Variants in SSRP1 observed in about 807,000 individuals in gnomAD.
SSRP1 encodes FACT complex subunit SSRP1.
A neutral mutation model predicts 84.4 loss-of-function variants in SSRP1; 21 were observed. The observed-to-expected ratio is 0.25, with a 90% CI of 0.18 to 0.36. SSRP1 has a LOEUF of 0.36. Ranked by LOEUF, SSRP1 falls within the 10% of genes least tolerant of loss-of-function variation. The pLI, the probability that SSRP1 is intolerant of heterozygous loss-of-function variation, is 1.00. For missense variants in SSRP1, 519 were observed against 900.8 expected (o/e 0.58, Z 5.43); for synonymous variants, 319 against 318.3 (o/e 1.00, Z -0.02).
chr11:57,326,521 G>A (rs1187695447), intron 16 of SSRP1, 43 bp from the exon 17 acceptor site: 1 of 1,612,634 alleles, frequency 6.2e-7, no homozygotes, highest in African/African-American at 1.3e-5. Context: ...GGAGTCCTGG[G>A]TGCCCCACCC....
In SSRP1 at chr11:57,332,612, G is replaced by A. The variant is rs777104346; in HGVS notation, c.768+13C>T. 6.2e-7 allele frequency: 1 copy of A among 1,609,028 alleles called. No homozygotes were observed. The highest frequency in any genetic ancestry group is 1.1e-5 in the South Asian group (1 of 90,956). On this transcript the variant is annotated intron_variant, in intron 6 of 16. Transcript: ENST00000278412. This position sits in a 1 kb window ranked among gnomAD's most constrained non-coding sequence, Gnocchi z 5.5. ...AAAACCAGGATTATCCGGCCATAGG[G>A]GTTTCTGCTTACCACAAAGAACATC...
chr11:57,334,704 C>G (rs546831741), intron 2 of SSRP1, 56 bp from the exon 3 acceptor site: 1 of 1,583,360 alleles, frequency 6.3e-7, no homozygotes, highest in Admixed American at 1.7e-5. Context: ...GTCCTGGGTT[C>G]TACAGCTCTA....
intron 15 of SSRP1, 79 bp downstream of exon 15, chr11:57,327,347 C>T (rs1856005765): frequency 7.0e-7 from 1 of 1,424,270 alleles, no homozygotes; most frequent in Non-Finnish European, 9.9e-7. Context: ...TTTAACTTTC[C>T]AATGCTCAAC....
chr11:57,326,508 G>A (rs768069020), intron 16 of SSRP1, 30 bp from the exon 17 acceptor site: 1 of 1,613,618 alleles, frequency 6.2e-7, no homozygotes, highest in Non-Finnish European at 8.5e-7. Context: ...TAAGGGAAAA[G>A]CTGGAGTCCT....
chr11:57,332,382 C>A lies in SSRP1; in HGVS notation c.872+1G>T. The A allele has an allele frequency of 6.2e-7, 1 of 1,614,138 alleles. No homozygotes were observed. Among genetic ancestry groups the A allele is most frequent in the Non-Finnish European group, 8.5e-7 (1 of 1,180,022 alleles). On this transcript the variant is annotated splice_donor_variant, in intron 7 of 16. Coordinates refer to ENST00000278412, the MANE Select transcript of SSRP1 (RefSeq NM_003146.3). LOFTEE classifies it high-confidence loss of function. This position sits in a 1 kb window ranked among gnomAD's most constrained non-coding sequence, Gnocchi z 5.5. Reference sequence around the variant, plus strand: ...GGAAACGAGTCCAGGGAGACACTCACTCGTTCATGTTCAGAGTCAACGAAA... The same window carrying A: ...GGAAACGAGTCCAGGGAGACACTCAATCGTTCATGTTCAGAGTCAACGAAA...
At chr11:57,333,351 A>T in intron 4 of SSRP1, 84 bp downstream of exon 4, 2 of 1,278,490 alleles carry the variant, frequency 1.6e-6, no homozygotes, top group Middle Eastern at 1.9e-4. Context: ...AGACAGTGGC[A>T]GAGGGAAAAG....
rs1233808794 is a variant in SSRP1, at chr11:57,326,316, C to G, written c.*91G>C. The G allele has an allele frequency of 4.9e-6, 6 of 1,231,726 alleles. No homozygotes were observed. The highest frequency in any genetic ancestry group is 7.1e-6 in the Non-Finnish European group (6 of 842,128). The allele number at this position is 1,231,726 out of a possible 1,614,324, so 76.3% of individuals were successfully genotyped here. A position where few individuals can be genotyped will look rare whatever the true frequency, so the allele number is the denominator to read the frequency against. ...GTTCAGATGGCACAGAATCCAGGGACTGCATTTCATGAGGAGAAACTGGTA... is the reference window on the plus strand; with the variant it reads ...GTTCAGATGGCACAGAATCCAGGGAGTGCATTTCATGAGGAGAAACTGGTA... On this transcript the variant is annotated 3_prime_UTR_variant, in exon 17 of 17. Coordinates refer to ENST00000278412, the MANE Select transcript of SSRP1 (RefSeq NM_003146.3).
chr11:57,334,767 C>G, intron 2 of SSRP1, 119 bp from the exon 3 acceptor site: 1 of 1,239,022 alleles, frequency 8.1e-7, no homozygotes, highest in Non-Finnish European at 1.1e-6. Flanking sequence ...AATGCAGGAG[C>G]AACAGCTGAG....
chr11:57,326,216 A>AAG lies in SSRP1; in HGVS notation c.*190_*191insCT, dbSNP rs1855976292. 2 of 612,838 alleles carry AAG rather than the reference A, an allele frequency of 3.3e-6. No individual in the cohort carries two copies. Among genetic ancestry groups the AAG allele is most frequent in the Admixed American group, 5.8e-5 (2 of 34,316 alleles). The allele number at this position is 612,838 out of a possible 1,614,324, so 38.0% of individuals were successfully genotyped here. On this transcript the variant is annotated 3_prime_UTR_variant, in exon 17 of 17. Transcript: ENST00000278412. ...CCCTATCTCTCCCCAAATTATAAAC[A>AAG]GCCATCCTTGGGAAGCAGCAGAGTT... is the stretch of plus-strand genomic sequence containing the variant.
chr11:57,328,518 C>A (rs1856029398), intron 12 of SSRP1, 92 bp from the exon 13 acceptor site: 1 of 1,543,796 alleles, frequency 6.5e-7, no homozygotes, highest in Non-Finnish European at 8.7e-7. Flanking sequence ...AAGATACCCA[C>A]CCAAAAGGGG....
Position 57,326,275 on chromosome 11 carries a change from A to T in SSRP1, c.*132T>A. On this transcript the variant is annotated 3_prime_UTR_variant, in exon 17 of 17. Coordinates refer to ENST00000278412, the MANE Select transcript of SSRP1 (RefSeq NM_003146.3). Reference sequence around the variant, plus strand: ...TCCCCACTGCCCTAGTGACATACACACCAACAGGAGAGCATGTTCAGATGG... The same window carrying T: ...TCCCCACTGCCCTAGTGACATACACTCCAACAGGAGAGCATGTTCAGATGG... 1 of 842,646 alleles carries T rather than the reference A, an allele frequency of 1.2e-6. No individual in the cohort carries two copies. Among genetic ancestry groups the T allele is most frequent in the Non-Finnish European group, 1.9e-6 (1 of 514,176 alleles). 52.2% of individuals were successfully genotyped at this position (842,646 alleles called of 1,614,324 possible).
chr11:57,331,425 T>A (rs968904186), intron 9 of SSRP1, among the ~76,000 whole-genome samples: 1 of 152,062 alleles, frequency 6.6e-6, no homozygotes, highest in African/African-American at 2.4e-5. Context: ...CGAAGACATA[T>A]AGCTTTCAGA....
In SSRP1 at chr11:57,326,470, T is replaced by A. The variant is rs779973680; in HGVS notation, c.2067A>T (p.Glu689Asp). Residue 689 changes from glutamate (E) to aspartate (D), a missense_variant, in exon 17 of 17, where the codon GAA (glutamate) becomes GAT (aspartate). By Grantham distance (45) the Glu-to-Asp change is conservative. Coordinates refer to ENST00000278412, the MANE Select transcript of SSRP1 (RefSeq NM_003146.3). Reference protein sequence around the residue: ...KKKRRRSEDSEEEELASTPPS... With the variant: ...KKKRRRSEDSDEEELASTPPS... ...GGGGAGTACTGGCTAGTTCTTCTTC[T>A]TCAGAGTCCTGAAAACCAAAGGTGT... 6.2e-7 allele frequency: 1 copy of A among 1,614,124 alleles called. No homozygotes were observed. Among genetic ancestry groups the A allele is most frequent in the South Asian group, 1.1e-5 (1 of 91,082 alleles).
At chr11:57,327,217 G>A in intron 15 of SSRP1, 2 of 671,158 alleles carry the variant, frequency 3.0e-6, no homozygotes, top group Non-Finnish European at 5.0e-6. Flanking sequence ...AATGGTCCAG[G>A]AAAAGAGGCC....
In SSRP1 at chr11:57,326,416, G is replaced by A. The variant is rs571767759; in HGVS notation, c.2121C>T (p.Ser707=). The A allele has an allele frequency of 1.2e-5, 19 of 1,614,148 alleles. No individual in the cohort carries two copies. Among genetic ancestry groups the A allele is most frequent in the African/African-American group, 5.3e-5 (4 of 75,044 alleles). Residue 707 remains serine, a synonymous_variant, in exon 17 of 17, where the codon TCC becomes TCT. Coordinates refer to ENST00000278412, the MANE Select transcript of SSRP1 (RefSeq NM_003146.3). ...GAACCTTCCTCCGTTTCTACTCATC[G>A]GATCCTGACGCTGAGTCCTCTGAGC... ...PPSSEDSASG[S]DE is the part of the protein sequence containing the mutation.
chr11:57,330,643 C>T lies in SSRP1; in HGVS notation c.1296+212G>A. On this transcript the variant is annotated intron_variant, in intron 10 of 16. Transcript: ENST00000278412. The surrounding 1 kb of genome is among the most constrained non-coding windows in gnomAD (Gnocchi z 4.0). ...AGCCCCAAGCCCCTCCCTCTCCCAG[C>T]CCCACTGGGGGCTCCTGAGGGGCTG... 6.9e-7 allele frequency: 1 copy of T among 1,443,010 alleles called. No individual in the cohort carries two copies. The allele number at this position is 1,443,010 out of a possible 1,614,324, so 89.4% of individuals were successfully genotyped here.
In SSRP1 at chr11:57,332,477, C is replaced by T; in HGVS notation, c.778G>A (p.Asp260Asn). Residue 260 changes from aspartate (D) to asparagine (N), a missense_variant, in exon 7 of 17, where the codon GAT becomes AAT. By Grantham distance (23) the Asp-to-Asn change is conservative. Transcript: ENST00000278412. This position sits in a 1 kb window ranked among gnomAD's most constrained non-coding sequence, Gnocchi z 5.5. Reference sequence around the variant, plus strand: ...GTTTGGCCTTGCTTGATTGGGGGATCCAGGCTGATCTAGTAAGGAAGAGTA... The same window carrying T: ...GTTTGGCCTTGCTTGATTGGGGGATTCAGGCTGATCTAGTAAGGAAGAGTA... ...QRQMFFVISL[D>N]PPIKQGQTRY... 6.2e-7 allele frequency: 1 copy of T among 1,613,990 alleles called. No homozygotes were observed. The highest frequency in any genetic ancestry group is 8.5e-7 in the Non-Finnish European group (1 of 1,179,984).
Position 57,332,781 on chromosome 11 carries a change from C to T in SSRP1, c.612G>A (p.Glu204=). ...GACCACGAGGAGTCAGACACTGCAG[C>T]TCCCGGAAGATGCAGATGGCATCTC... is the stretch of plus-strand genomic sequence containing the variant. ...ATGDAICIFR[E]LQCLTPRGRY... The change falls in exon 6 of 17, where the codon GAG becomes GAA. Residue 204 remains glutamate, a synonymous_variant. Coordinates refer to ENST00000278412, the MANE Select transcript of SSRP1 (RefSeq NM_003146.3). The surrounding 1 kb of genome is among the most constrained non-coding windows in gnomAD (Gnocchi z 5.5). The T allele has an allele frequency of 6.2e-7, 1 of 1,614,126 alleles. No homozygotes were observed. The highest frequency in any genetic ancestry group is 1.1e-5 in the South Asian group (1 of 91,084).
Position 57,330,911 on chromosome 11 carries a change from G to A in SSRP1, c.1240C>T (p.Leu414=). Residue 414 remains leucine (L), a synonymous_variant, in exon 10 of 17, where the codon CTG becomes TTG. Coordinates refer to ENST00000278412, the MANE Select transcript of SSRP1 (RefSeq NM_003146.3). This position sits in a 1 kb window ranked among gnomAD's most constrained non-coding sequence, Gnocchi z 4.0. ...SSIEREEYGK[L]FDFVNAKKLN... is the part of the protein sequence containing the mutation. ...TTTTTCGCGTTGACAAAATCAAACA[G>A]TTTCCCGTACTCCTCCCTGTGAGGG... is the stretch of plus-strand genomic sequence containing the variant. 1 of 1,614,212 alleles carries A rather than the reference G, an allele frequency of 6.2e-7. No individual in the cohort carries two copies. Among genetic ancestry groups the A allele is most frequent in the African/African-American group, 1.3e-5 (1 of 75,056 alleles).
Sources: gnomAD v4.1 joint callset for allele counts (sites outside exome capture counted in the v4.1 genomes callset) on GRCh38, gnomAD v4.1.1 for gene constraint, Gnocchi (gnomAD v3.1) non-coding constraint, MANE v1.5 for transcripts, NCBI Gene and HGNC (gene_info 2026-07-23, HGNC 2026-07-21) for gene names.